Variants in AASS observed in about 807,000 individuals in gnomAD.
AASS encodes alpha-aminoadipic semialdehyde synthase, mitochondrial.
Under a neutral mutation model 105.4 loss-of-function variants are expected in AASS, and 86 were observed. The observed-to-expected ratio is 0.82, with a 90% CI of 0.69 to 0.98. AASS has a LOEUF of 0.98. Among genes scored for constraint, AASS ranks in the 50% least tolerant of loss-of-function variants. The pLI, the probability that AASS is intolerant of heterozygous loss-of-function variation, is 0.00. For missense variants in AASS, 1,048 were observed against 1,143.2 expected (o/e 0.92, Z 1.20); for synonymous variants, 381 against 394.8 (o/e 0.96, Z 0.41).
intron 1 of AASS, among the ~76,000 whole-genome samples, chr7:122,141,612 G>C (rs1460876493): frequency 1.1e-5 from 1 of 89,664 alleles, no homozygotes; most frequent in African/African-American, 4.1e-5. Context: ...CAAACAAACA[G>C]ATAAAATAGA....
chr7:122,113,010 C>G, intron 11 of AASS, 108 bp downstream of exon 11: 1 of 894,856 alleles, frequency 1.1e-6, no homozygotes, highest in Non-Finnish European at 1.8e-6. Context: ...GCTGGCATTT[C>G]ATTTTACAGC....
At chr7:122,141,658 CAAA>C (rs67469054) in intron 1 of AASS, among the ~76,000 whole-genome samples, 5 of 94,632 alleles carry the variant, frequency 5.3e-5, no homozygotes, top group Non-Finnish European at 8.7e-5. Context: ...CCTAACCCTG[CAAA>C]AAAAAAAAAA....
intron 19 of AASS, among the ~76,000 whole-genome samples, chr7:122,083,767 C>T (rs544522217): frequency 2.0e-5 from 3 of 152,056 alleles, no homozygotes; most frequent in Middle Eastern, 3.4e-3. Flanking sequence ...TATTAACCTG[C>T]GTCTAGAAGG....
Position 122,129,441 on chromosome 7 carries a change from T to A in AASS, c.307A>T (p.Arg103Trp), listed in dbSNP as rs1434356152. 1 of 1,613,616 alleles carries A rather than the reference T, an allele frequency of 6.2e-7. No homozygotes were observed. ...TGGGAGAAAAATGCATAAGTCTTCC[T>A]GGACATTAATTTTTCCTCTGGAGGT... ...KRPPEEKLMS[R>W]KTYAFFSHTI... The change falls in exon 3 of 24, where the codon AGG (arginine) becomes TGG (tryptophan). Residue 103 changes from arginine (R) to tryptophan (W), a missense_variant. Coordinates refer to ENST00000417368, the MANE Select transcript of AASS (RefSeq NM_005763.4).
At chr7:122,093,230 T>C in intron 15 of AASS, 72 bp from the exon 16 acceptor site, 1 of 1,087,174 alleles carries the variant, frequency 9.2e-7, no homozygotes, top group Non-Finnish European at 1.4e-6. Flanking sequence ...TGAACTGTAT[T>C]AAAGCTGCAT....
At chr7:122,117,393 G>A (rs184142329) in intron 6 of AASS, among the ~76,000 whole-genome samples, 1 of 152,140 alleles carries the variant, frequency 6.6e-6, no homozygotes, top group African/African-American at 2.4e-5. Context: ...ATTTTACAAT[G>A]ACAAGTTTCT....
chr7:122,131,630 G>C (rs1795922395), intron 2 of AASS, among the ~76,000 whole-genome samples: 1 of 151,754 alleles, frequency 6.6e-6, no homozygotes, highest in African/African-American at 2.4e-5. Flanking sequence ...ATATATATAT[G>C]TGTGGGCAAC....
Position 122,114,079 on chromosome 7 carries a change from T to C in AASS, c.1044-359A>G, listed in dbSNP as rs145105941. Among the ~76,000 whole-genome samples the C allele has an allele frequency of 1.3e-4, 20 of 152,328 alleles. No individual in the cohort carries two copies. In the East Asian group the frequency reaches 3.5e-3, roughly 26 times the overall value. On this transcript the variant is annotated intron_variant, in intron 9 of 23. Transcript: ENST00000417368. Reference sequence around the variant, plus strand: ...ATTATGCTACCTCCACCCTGCTTAGTACTGTATAGTTTTACATGTGGTTAC... The same window carrying C: ...ATTATGCTACCTCCACCCTGCTTAGCACTGTATAGTTTTACATGTGGTTAC...
chr7:122,119,447 T>C (rs1795337672), intron 4 of AASS, among the ~76,000 whole-genome samples: 1 of 152,170 alleles, frequency 6.6e-6, no homozygotes, highest in Non-Finnish European at 1.5e-5. Context: ...TGTCTCAATT[T>C]GGATGTTCTT....
intron 1 of AASS, among the ~76,000 whole-genome samples, chr7:122,143,312 T>G (rs1033601852): frequency 2.0e-5 from 3 of 152,070 alleles, no homozygotes; most frequent in East Asian, 1.9e-4. Context: ...TCATTCTCTC[T>G]CGCGCTCGAG....
At position 122,075,417 on chromosome 7, in the gene AASS, A is replaced by C. The variant is rs1307981846; in HGVS notation, c.*1072T>G. On this transcript the variant is annotated 3_prime_UTR_variant, in exon 24 of 24. Coordinates refer to ENST00000417368, the MANE Select transcript of AASS (RefSeq NM_005763.4). ...TTCCTTTCCAACCTAGATGACTTTT[A>C]TTTTATTTTCTTGCCTAATTGCCCT... 1.3e-5 allele frequency among the ~76,000 whole-genome samples: 2 copies of C among 152,034 alleles called. No homozygotes were observed. Among genetic ancestry groups the C allele is most frequent in the African/African-American group, 4.8e-5 (2 of 41,376 alleles).
At chr7:122,101,300 C>T (rs1439689356) in intron 13 of AASS, 71 bp downstream of exon 13, 7 of 1,187,944 alleles carry the variant, frequency 5.9e-6, no homozygotes, top group Non-Finnish European at 7.5e-6. Context: ...CCCATTGAAG[C>T]ATTAAAAAAT....
At chr7:122,105,258 A>T (rs1207209456) in intron 11 of AASS, among the ~76,000 whole-genome samples, 1 of 152,114 alleles carries the variant, frequency 6.6e-6, no homozygotes, top group Non-Finnish European at 1.5e-5. Flanking sequence ...AAGGTAAAAA[A>T]TAGATACCAA....
intron 15 of AASS, among the ~76,000 whole-genome samples, chr7:122,097,790 C>T (rs1435685041): frequency 1.3e-5 from 2 of 151,954 alleles, no homozygotes; most frequent in Non-Finnish European, 2.9e-5. Context: ...GTATATAAAA[C>T]ATTAATACCT....
intron 1 of AASS, among the ~76,000 whole-genome samples, chr7:122,136,650 T>C (rs1482457995): frequency 6.6e-6 from 1 of 152,224 alleles, no homozygotes; most frequent in Non-Finnish European, 1.5e-5. Context: ...GTGATTCCTT[T>C]GAACATACAC....
chr7:122,089,250 C>T (rs952007110), intron 18 of AASS, among the ~76,000 whole-genome samples: 2 of 152,004 alleles, frequency 1.3e-5, no homozygotes, highest in African/African-American at 4.8e-5. Context: ...TAATGCAGCA[C>T]CTAGAAAATT....
intron 2 of AASS, among the ~76,000 whole-genome samples, chr7:122,131,013 C>A: frequency 6.8e-6 from 1 of 148,124 alleles, no homozygotes. Context: ...TGTAAATACA[C>A]ACACAGGTGT....
chr7:122,095,823 AT>A (rs1379291857), intron 15 of AASS, among the ~76,000 whole-genome samples: 3 of 152,146 alleles, frequency 2.0e-5, no homozygotes, highest in African/African-American at 7.2e-5. Flanking sequence ...TTAGAACCAA[AT>A]ATTAATAGAA....
intron 12 of AASS, 78 bp downstream of exon 12, chr7:122,101,543 A>C: frequency 6.8e-7 from 1 of 1,463,366 alleles, no homozygotes; most frequent in South Asian, 1.1e-5. Flanking sequence ...AGATGGAGAG[A>C]GAGAGAAACA....
Sources: gnomAD v4.1 joint callset for allele counts (sites outside exome capture counted in the v4.1 genomes callset) on GRCh38, gnomAD v4.1.1 for gene constraint, MANE v1.5 for transcripts, NCBI Gene and HGNC (gene_info 2026-07-23, HGNC 2026-07-21) for gene names.